Variants in UNC13C observed in about 807,000 individuals in gnomAD.
The protein encoded by UNC13C is unc-13 homolog C.
Under a neutral mutation model 245.4 loss-of-function variants are expected in UNC13C, and 174 were observed. The ratio of observed to expected loss-of-function variants is 0.71; its 90% confidence interval spans 0.63 to 0.80. The LOEUF is 0.80. Among genes scored for constraint, UNC13C ranks in the 30% least tolerant of loss-of-function variants. UNC13C has a pLI of 0.00. For synonymous variants in UNC13C, 992 were observed against 895.1 expected, an observed-to-expected ratio of 1.11 and a Z score of -1.93; for missense variants, 2,829 against 2,602.9, an observed-to-expected ratio of 1.09 and a Z score of -1.89.
rs1159283987 is a variant in UNC13C at position 54,405,789 on chromosome 15, C to G, written c.4848-9193C>G. On this transcript the variant is annotated intron_variant, in intron 18 of 32. Transcript: ENST00000260323. ...CTCATAATTGTTCATTTTTTCTCCCCTATTTCCACAAGGCAGAAAATAATA... is the reference window on the plus strand; with the variant it reads ...CTCATAATTGTTCATTTTTTCTCCCGTATTTCCACAAGGCAGAAAATAATA... Among the ~76,000 whole-genome samples the G allele has an allele frequency of 5.3e-5, 8 of 152,038 alleles. 1 individual carries two copies. The highest frequency in any genetic ancestry group is 5.2e-4 in the Admixed American group (8 of 15,258).
intron 19 of UNC13C, among the ~76,000 whole-genome samples, chr15:54,458,678 G>GTTTTTTTT (rs1407353316): frequency 2.6e-5 from 1 of 38,630 alleles, no homozygotes; most frequent in African/African-American, 9.0e-5. Flanking sequence ...TTCCTTTAAG[G>GTTTTTTTT]TCTTTTTTTT....
rs189573293 is a variant in UNC13C at position 54,052,762 on chromosome 15, T to A, written c.2983+36876T>A. On this transcript the variant is annotated intron_variant, in intron 2 of 32. Transcript: ENST00000260323. ...AGGTTGTGCTTTAATCATTTATGTA[T>A]TTATTTAGTTAGTTAGTTTGCTTTC... is the stretch of plus-strand genomic sequence containing the variant. Among the ~76,000 whole-genome samples, 15 of 152,338 alleles carry A rather than the reference T, an allele frequency of 9.8e-5. No individual in the cohort carries two copies. The East Asian group carries it at 2.3e-3, about 23-fold the overall frequency.
rs1177056304 is a variant in UNC13C at position 54,552,435 on chromosome 15, ATATAT to A, written c.5877+2747_5877+2751del. Reference sequence around the variant, plus strand: ...ATATATTACAATATATAATATAATTATATATTACAATATATAATATAATTATATAT... The same window carrying A: ...ATATATTACAATATATAATATAATTATACAATATATAATATAATTATATAT... On this transcript the variant is annotated intron_variant, in intron 28 of 32. Coordinates refer to ENST00000260323, the MANE Select transcript of UNC13C (RefSeq NM_001080534.3). Among the ~76,000 whole-genome samples, 13 of 2,042 alleles carry A rather than the reference ATATAT, an allele frequency of 6.4e-3. 1 individual carries two copies. The East Asian group carries it at 0.092, about 14-fold the overall frequency. The allele number at this position is 2,042 out of a possible 152,430, so 1.3% of individuals were successfully genotyped here.
intron 1 of UNC13C, among the ~76,000 whole-genome samples, chr15:53,987,695 A>G (rs1894206508): frequency 6.6e-6 from 1 of 151,960 alleles, no homozygotes; most frequent in Non-Finnish European, 1.5e-5. Context: ...ACAACAGCAG[A>G]TAGCCAAGCT....
intron 2 of UNC13C, among the ~76,000 whole-genome samples, chr15:54,052,543 T>C (rs1032927671): frequency 1.3e-5 from 2 of 152,202 alleles, no homozygotes; most frequent in Non-Finnish European, 2.9e-5. Context: ...ACTTTGAAAA[T>C]TTTTGTTGGT....
At chr15:53,907,793 T>C in the UNC13C span, among the ~76,000 whole-genome samples, 1 of 115,748 alleles carries the variant, frequency 8.6e-6, no homozygotes, top group Non-Finnish European at 2.1e-5. Context: ...ACTATATCTC[T>C]AGTTCCAAGC....
At chr15:54,267,375 C>G (rs1009477207) in intron 10 of UNC13C, among the ~76,000 whole-genome samples, 2 of 152,056 alleles carry the variant, frequency 1.3e-5, no homozygotes, top group Non-Finnish European at 2.9e-5. Flanking sequence ...GAGGTAAGAG[C>G]AGACATCTTA....
chr15:54,340,450 G>C (rs893962051), intron 17 of UNC13C, among the ~76,000 whole-genome samples: 2 of 152,116 alleles, frequency 1.3e-5, no homozygotes, highest in African/African-American at 2.4e-5. Flanking sequence ...CCTATCATGA[G>C]TAGATTTTTG....
intron 4 of UNC13C, among the ~76,000 whole-genome samples, chr15:54,221,760 A>G (rs531009113): frequency 1.3e-5 from 2 of 152,216 alleles, no homozygotes; most frequent in Admixed American, 1.3e-4. Flanking sequence ...ACAGTCTTCA[A>G]TTAATTCAAG....
intron 2 of UNC13C, among the ~76,000 whole-genome samples, chr15:54,129,365 G>A (rs1281667083): frequency 6.6e-6 from 1 of 152,096 alleles, no homozygotes; most frequent in Non-Finnish European, 1.5e-5. Flanking sequence ...TCTGATTTCA[G>A]TATCAAGCTT....
intron 19 of UNC13C, among the ~76,000 whole-genome samples, chr15:54,458,258 T>C (rs1034479741): frequency 1.3e-5 from 2 of 152,126 alleles, no homozygotes; most frequent in Non-Finnish European, 2.9e-5. Flanking sequence ...GTACTATATA[T>C]ACTTTTAGTT....
At chr15:53,965,562 ATTTAT>A in the UNC13C span, among the ~76,000 whole-genome samples, 148 of 128,398 alleles carry the variant, frequency 1.2e-3, 1 homozygote, top group African/African-American at 5.0e-3. Context: ...TTATTTATTT[ATTTAT>A]TTATTATTAT....
intron 19 of UNC13C, among the ~76,000 whole-genome samples, chr15:54,451,308 C>T (rs1049544102): frequency 6.6e-6 from 1 of 151,902 alleles, no homozygotes; most frequent in Non-Finnish European, 1.5e-5. Context: ...CTTTTTTCAG[C>T]CTTTTGAATA....
chr15:54,115,277 A>G (rs12904229), intron 2 of UNC13C, among the ~76,000 whole-genome samples: 28,946 of 152,022 alleles, frequency 0.19, 2,931 homozygotes, highest in South Asian at 0.28. Flanking sequence ...ACAAAAATGT[A>G]TTTGGGTATA....
At chr15:54,591,206 T>G (rs867289308) in intron 30 of UNC13C, among the ~76,000 whole-genome samples, 2 of 152,206 alleles carry the variant, frequency 1.3e-5, no homozygotes, top group African/African-American at 4.8e-5. Flanking sequence ...AGTATTTTGT[T>G]AAGGATTTTA....
chr15:53,951,902 G>A, the UNC13C span, among the ~76,000 whole-genome samples: 2 of 152,168 alleles, frequency 1.3e-5, no homozygotes, highest in African/African-American at 4.8e-5. Flanking sequence ...TGGATCTGGA[G>A]ACCAGCTGGT....
intron 14 of UNC13C, among the ~76,000 whole-genome samples, chr15:54,324,082 AG>A: frequency 6.6e-6 from 1 of 152,198 alleles, no homozygotes; most frequent in South Asian, 2.1e-4. Context: ...ATTATAGAAT[AG>A]GGCCAAAAGA....
the UNC13C span, among the ~76,000 whole-genome samples, chr15:53,853,782 T>C: frequency 3.3e-5 from 5 of 152,208 alleles, no homozygotes; most frequent in African/African-American, 1.2e-4. Flanking sequence ...GTTGCCCACA[T>C]GAATCTCTTA....
rs1360244815 is a variant in UNC13C, at chr15:54,189,290, A to G, written c.3071+45606A>G. ...GCAAAAGGGAGAAATGAATTGGAGG[A>G]TATGGGTGTTAAGTTTGCCTGCACA... On this transcript the variant is annotated intron_variant, in intron 4 of 32. Transcript: ENST00000260323. 4.6e-5 allele frequency among the ~76,000 whole-genome samples: 7 copies of G among 152,304 alleles called. No homozygotes were observed. The South Asian group carries it at 1.5e-3, about 32-fold the overall frequency.
Sources: allele counts gnomAD v4.1 joint callset (sites outside exome capture counted in the v4.1 genomes callset), GRCh38; gene constraint gnomAD v4.1.1; transcripts MANE v1.5; gene names NCBI Gene and HGNC (gene_info 2026-07-23, HGNC 2026-07-21).